Variants in RUNX2 observed in about 807,000 individuals in gnomAD.
The protein encoded by RUNX2 is RUNX family transcription factor 2, also known as runt-related transcription factor 2.
RUNX2 carries 10 observed loss-of-function variants against 51.7 expected under a neutral mutation model. The ratio of observed to expected loss-of-function variants is 0.19; its 90% CI spans 0.12 to 0.33. The LOEUF (loss-of-function observed/expected upper bound fraction) is 0.33, where lower values mean the gene tolerates loss of function less well. Ranked by LOEUF, RUNX2 falls within the 10% of genes least tolerant of loss-of-function variation. The pLI, the probability that RUNX2 is intolerant of heterozygous loss-of-function variation, is 1.00. For missense variants in RUNX2, 562 were observed against 691.3 expected (o/e 0.81, Z 2.10); for synonymous variants, 276 against 273.6 (o/e 1.01, Z -0.09).
At chr6:45,483,456 T>G (rs1318346510) in intron 5 of RUNX2, among the ~76,000 whole-genome samples, 1 of 152,188 alleles carries the variant, frequency 6.6e-6, no homozygotes, top group Non-Finnish European at 1.5e-5. Context: ...GTTGTGTGAC[T>G]TCTCTGTACC....
chr6:45,422,538 C>T (rs775554912), intron 2 of RUNX2, 55 bp from the exon 3 acceptor site: 6 of 1,477,398 alleles, frequency 4.1e-6, no homozygotes, highest in Non-Finnish European at 5.5e-6. Context: ...CACCCTCCTC[C>T]CCCTCCCCCG....
chr6:45,420,368 C>T (rs1798153915), intron 2 of RUNX2, among the ~76,000 whole-genome samples: 1 of 152,108 alleles, frequency 6.6e-6, no homozygotes, highest in South Asian at 2.1e-4. Context: ...CGAGTGGGAG[C>T]AAAGCTCTAA....
chr6:45,536,929 A>G (rs1387631586), intron 7 of RUNX2, among the ~76,000 whole-genome samples: 3 of 152,148 alleles, frequency 2.0e-5, no homozygotes, highest in Non-Finnish European at 4.4e-5. Flanking sequence ...GTTAATCACG[A>G]ATTTCAAGAT....
chr6:45,520,146 T>G (rs1801461370), intron 7 of RUNX2, among the ~76,000 whole-genome samples: 2 of 152,142 alleles, frequency 1.3e-5, no homozygotes, highest in South Asian at 2.1e-4. Flanking sequence ...GCTATTATAT[T>G]TTTAAAATCA....
chr6:45,462,057 C>T (rs570414806), intron 5 of RUNX2, among the ~76,000 whole-genome samples: 1 of 152,012 alleles, frequency 6.6e-6, no homozygotes, highest in Admixed American at 6.6e-5. Flanking sequence ...ATAAAAAAGA[C>T]ATTCAGATAA....
intron 6 of RUNX2, among the ~76,000 whole-genome samples, chr6:45,509,388 C>T (rs1801075615): frequency 6.6e-6 from 1 of 152,122 alleles, no homozygotes; most frequent in South Asian, 2.1e-4. Flanking sequence ...CCATATTAGA[C>T]ATGGCCTAGT....
chr6:45,348,253 T>C (rs1400148663), intron 2 of RUNX2, among the ~76,000 whole-genome samples: 3 of 151,998 alleles, frequency 2.0e-5, no homozygotes, highest in African/African-American at 7.2e-5. Flanking sequence ...CTAATCCCAG[T>C]TCTACCACTG....
At chr6:45,509,855 G>C (rs775309473) in intron 6 of RUNX2, among the ~76,000 whole-genome samples, 3 of 152,178 alleles carry the variant, frequency 2.0e-5, no homozygotes, top group Non-Finnish European at 4.4e-5. Context: ...TGTTGCAGGA[G>C]AGGAATGGTA....
chr6:45,512,388 T>G lies in RUNX2; in HGVS notation c.1002T>G (p.Asp334Glu). 6.2e-7 allele frequency: 1 copy of G among 1,614,066 alleles called. No individual in the cohort carries two copies. ...GCACTGGGCTTCCTGCCATCACCGA[T>G]GTGCCTAGGCGCATTTCAGGTAAAG... The part of the protein sequence containing the change: ...TRGTGLPAIT[D>E]VPRRISDDDT... Residue 334 changes from aspartate (D) to glutamate (E), a missense_variant, in exon 7 of 9, where the codon GAT becomes GAG. Coordinates refer to ENST00000647337, the MANE Select transcript of RUNX2 (RefSeq NM_001024630.4).
At chr6:45,379,716 A>G (rs1797186442) in intron 2 of RUNX2, among the ~76,000 whole-genome samples, 1 of 152,174 alleles carries the variant, frequency 6.6e-6, no homozygotes, top group Admixed American at 6.5e-5. Flanking sequence ...AATACAAAAA[A>G]GTATCCGGGC....
intron 2 of RUNX2, among the ~76,000 whole-genome samples, chr6:45,420,038 G>A (rs1798145478): frequency 6.6e-6 from 1 of 151,956 alleles, no homozygotes; most frequent in African/African-American, 2.4e-5. Context: ...AGTGCATGGA[G>A]GAAGGGCAGG....
chr6:45,485,697 G>GTGTGTGTGTATATATATATATATATATA (rs1219072282), intron 5 of RUNX2, among the ~76,000 whole-genome samples: 1 of 104,030 alleles, frequency 9.6e-6, no homozygotes, highest in African/African-American at 3.8e-5. Context: ...GTGTGTGTGT[G>GTGTGTGTGTATATATATATATATATATA]TATATATATA....
chr6:45,361,126 A>G (rs1794179778), intron 2 of RUNX2, among the ~76,000 whole-genome samples: 1 of 152,166 alleles, frequency 6.6e-6, no homozygotes, highest in Non-Finnish European at 1.5e-5. Context: ...GTAATTTTTT[A>G]AAATGCAAAA....
intron 7 of RUNX2, among the ~76,000 whole-genome samples, chr6:45,535,375 C>G (rs1018594185): frequency 6.6e-6 from 1 of 152,074 alleles, no homozygotes; most frequent in East Asian, 1.9e-4. Flanking sequence ...GAGGCCGAGG[C>G]GGGCAGATCA....
chr6:45,418,021 T>C (rs1336701888), intron 2 of RUNX2, among the ~76,000 whole-genome samples: 1 of 152,290 alleles, frequency 6.6e-6, no homozygotes, highest in East Asian at 1.9e-4. Flanking sequence ...TCTCCAAAGA[T>C]CGTTCTGTTT....
At chr6:45,377,892 G>C (rs1797049008) in intron 2 of RUNX2, 1 of 152,666 alleles carries the variant, frequency 6.6e-6, no homozygotes, top group African/African-American at 2.4e-5. Context: ...GTGGGGGACT[G>C]AGAGTGTGGA....
chr6:45,470,041 A>G (rs1194090439), intron 5 of RUNX2, among the ~76,000 whole-genome samples: 1 of 152,208 alleles, frequency 6.6e-6, no homozygotes, highest in Non-Finnish European at 1.5e-5. Context: ...GCCACTGGAA[A>G]AGTAGATATT....
At chr6:45,492,209 G>T in intron 6 of RUNX2, 95 bp downstream of exon 6, 1 of 1,169,540 alleles carries the variant, frequency 8.6e-7, no homozygotes, top group Non-Finnish European at 1.3e-6. Context: ...AACTCCTGGA[G>T]CTGTGAAGCG....
intron 5 of RUNX2, among the ~76,000 whole-genome samples, chr6:45,454,654 T>TTATG (rs1328365595): frequency 2.0e-5 from 3 of 152,200 alleles, no homozygotes; most frequent in Non-Finnish European, 4.4e-5. Context: ...TATCAGAAGA[T>TTATG]TATGTATGTA....
Sources: allele counts gnomAD v4.1 joint callset (sites outside exome capture counted in the v4.1 genomes callset), GRCh38; gene constraint gnomAD v4.1.1; transcripts MANE v1.5; gene names NCBI Gene and HGNC (gene_info 2026-07-23, HGNC 2026-07-21).